Variants in ARHGEF10L observed in about 807,000 individuals in gnomAD.
ARHGEF10L encodes the protein Rho guanine nucleotide exchange factor 10 like, also known as rho guanine nucleotide exchange factor 10-like protein.
A neutral mutation model predicts 141.2 loss-of-function variants in ARHGEF10L; 69 were observed. The observed-to-expected ratio is 0.49, with a 90% CI of 0.40 to 0.60. The LOEUF is 0.60. ARHGEF10L is among the 20% of genes least tolerant of loss of function. ARHGEF10L has a pLI of 0.00. For synonymous variants in ARHGEF10L, 711 were observed against 718.5 expected (o/e 0.99, Z 0.17); for missense variants, 1,482 against 1,734.3 (o/e 0.85, Z 2.58).
At chr1:17,617,809 G>A (rs556426866) in intron 9 of ARHGEF10L, among the ~76,000 whole-genome samples, 2 of 152,244 alleles carry the variant, frequency 1.3e-5, no homozygotes, top group East Asian at 3.9e-4. Flanking sequence ...GAGAGAGAGA[G>A]CCCCATGTAG....
At chr1:17,661,226 C>T (rs2062603831) in intron 25 of ARHGEF10L, among the ~76,000 whole-genome samples, 1 of 152,116 alleles carries the variant, frequency 6.6e-6, no homozygotes, top group East Asian at 1.9e-4. Flanking sequence ...TACAGGCGCA[C>T]ACCACCACAC....
chr1:17,529,889 G>C, the ARHGEF10L span, among the ~76,000 whole-genome samples: 2 of 140,506 alleles, frequency 1.4e-5, no homozygotes, highest in East Asian at 4.4e-4. Context: ...CTGGAGTGCA[G>C]TGTGACGATC....
intron 25 of ARHGEF10L, among the ~76,000 whole-genome samples, chr1:17,662,948 C>T (rs1330677268): frequency 6.6e-6 from 1 of 152,116 alleles, no homozygotes; most frequent in African/African-American, 2.4e-5. Flanking sequence ...GCCTTCTAGT[C>T]CCCCGCCACT....
In ARHGEF10L at chr1:17,654,493, C is replaced by G; in HGVS notation, c.2395-143C>G. 3 of 762,164 alleles carry G rather than the reference C, an allele frequency of 3.9e-6. No individual in the cohort carries two copies. The highest frequency in any genetic ancestry group is 2.9e-5 in the South Asian group (2 of 68,974). The allele number at this position is 762,164 out of a possible 1,614,324, so 47.2% of individuals were successfully genotyped here. ...TAGGAACTGCCTGGAGAAGCAGGCA[C>G]TCGTGAAGCATGTTGCTTTCCTGGC... On this transcript the variant is annotated intron_variant, in intron 22 of 28. Coordinates refer to ENST00000361221, the MANE Select transcript of ARHGEF10L (RefSeq NM_018125.4). The surrounding 1 kb of genome is among the most constrained non-coding windows in gnomAD (Gnocchi z 4.3).
rs906196429 is a variant in ARHGEF10L, at chr1:17,584,880, C to A, written c.38-2580C>A. On this transcript the variant is annotated intron_variant, in intron 2 of 28. Coordinates refer to ENST00000361221, the MANE Select transcript of ARHGEF10L (RefSeq NM_018125.4). ...GTGCACACACACACACACACACACACCCCTACCCAATGTGTATATGTAACT... is the reference window on the plus strand; with the variant it reads ...GTGCACACACACACACACACACACAACCCTACCCAATGTGTATATGTAACT... 3.9e-5 allele frequency among the ~76,000 whole-genome samples: 6 copies of A among 151,906 alleles called. No individual in the cohort carries two copies. In the East Asian group the frequency reaches 5.8e-4, roughly 15 times the overall value.
chr1:17,590,455 C>T (rs539201044), intron 4 of ARHGEF10L, among the ~76,000 whole-genome samples: 2 of 152,218 alleles, frequency 1.3e-5, no homozygotes, highest in African/African-American at 2.4e-5. Context: ...CGGCTCTTCG[C>T]TCCCCCAACA....
chr1:17,598,067 A>T (rs1446772168), intron 4 of ARHGEF10L, among the ~76,000 whole-genome samples: 1 of 151,444 alleles, frequency 6.6e-6, no homozygotes, highest in African/African-American at 2.4e-5. Flanking sequence ...CTGTAAGACA[A>T]TGCCATAGAT....
At chr1:17,670,057 A>AGAG (rs1428332212) in intron 26 of ARHGEF10L, among the ~76,000 whole-genome samples, 1 of 152,240 alleles carries the variant, frequency 6.6e-6, no homozygotes, top group African/African-American at 2.4e-5. Flanking sequence ...CTATGAAGGA[A>AGAG]GAGGGGAAGT....
At chr1:17,523,717 T>C in the ARHGEF10L span, among the ~76,000 whole-genome samples, 1 of 152,202 alleles carries the variant, frequency 6.6e-6, no homozygotes, top group Non-Finnish European at 1.5e-5. Flanking sequence ...TGGGCTACAG[T>C]GGGACTTTTG....
At chr1:17,682,216 A>T (rs2102429015) in intron 26 of ARHGEF10L, among the ~76,000 whole-genome samples, 1 of 152,254 alleles carries the variant, frequency 6.6e-6, no homozygotes, top group Middle Eastern at 3.4e-3. Context: ...CTTTCAGTGG[A>T]CAGGGCCAGG....
intron 8 of ARHGEF10L, 37 bp from the exon 9 acceptor site, chr1:17,616,057 C>T (rs371111254): frequency 2.5e-6 from 4 of 1,583,350 alleles, no homozygotes; most frequent in African/African-American, 1.3e-5. Context: ...CATCCCAGGC[C>T]GTCCCTTCCC....
In ARHGEF10L at chr1:17,625,473, G is replaced by A. The variant is rs1480601593; in HGVS notation, c.1318-483G>A. On this transcript the variant is annotated intron_variant, in intron 13 of 28. Transcript: ENST00000361221. This position sits in a 1 kb window ranked among gnomAD's most constrained non-coding sequence, Gnocchi z 4.5. ...ATTTTGAGCTAGGGTAGATGGAAGTGGAGGCAGGTGGAGAAACTGTGGGAT... is the reference window on the plus strand; with the variant it reads ...ATTTTGAGCTAGGGTAGATGGAAGTAGAGGCAGGTGGAGAAACTGTGGGAT... Among the ~76,000 whole-genome samples, 3 of 152,164 alleles carry A rather than the reference G, an allele frequency of 2.0e-5. No homozygotes were observed. Among genetic ancestry groups the A allele is most frequent in the Non-Finnish European group, 4.4e-5 (3 of 68,020 alleles).
rs2077055736 is a variant in ARHGEF10L, at chr1:17,550,081, G to T, written c.-44+10131G>T. Among the ~76,000 whole-genome samples, 4 of 152,198 alleles carry T rather than the reference G, an allele frequency of 2.6e-5. No homozygotes were observed. In the South Asian group the frequency reaches 8.3e-4, roughly 32 times the overall value. The stretch of plus-strand genomic sequence containing the variant: ...GAGCTGGGAACCAGAGGAAAGGCAA[G>T]GAAAGGTTCCCATTTGGCAGTGGAA... On this transcript the variant is annotated intron_variant, in intron 1 of 28. Transcript: ENST00000361221.
At chr1:17,584,675 GA>G (rs1057130781) in intron 2 of ARHGEF10L, among the ~76,000 whole-genome samples, 23 of 152,338 alleles carry the variant, frequency 1.5e-4, no homozygotes, top group African/African-American at 4.8e-4. Context: ...AGATCTGAAA[GA>G]GGGGAGAGCA....
chr1:17,643,056 T>C (rs2061411384), intron 21 of ARHGEF10L, among the ~76,000 whole-genome samples: 1 of 152,126 alleles, frequency 6.6e-6, no homozygotes, highest in African/African-American at 2.4e-5. Flanking sequence ...GGAAGAAGAG[T>C]CATTTGAAAT....
At chr1:17,624,556 C>A in intron 13 of ARHGEF10L, 53 bp downstream of exon 13, 1 of 1,471,074 alleles carries the variant, frequency 6.8e-7, no homozygotes, top group Non-Finnish European at 9.5e-7. Flanking sequence ...GGAGATTGCT[C>A]AGGAGGAAGG....
chr1:17,559,016 G>A (rs761727477), intron 1 of ARHGEF10L, among the ~76,000 whole-genome samples: 10 of 152,170 alleles, frequency 6.6e-5, no homozygotes, highest in Admixed American at 1.3e-4. Context: ...CACAGGGCCC[G>A]GCCTCAGTTG....
Position 17,648,569 on chromosome 1 carries a change from C to G in ARHGEF10L, c.2288C>G (p.Pro763Arg). 6.2e-7 allele frequency: 1 copy of G among 1,613,782 alleles called. No homozygotes were observed. Among genetic ancestry groups the G allele is most frequent in the Non-Finnish European group, 8.5e-7 (1 of 1,180,008 alleles). Residue 763 changes from proline (P) to arginine (R), a missense_variant, in exon 22 of 29, where the codon CCA becomes CGA. Physicochemically the swap from Pro to Arg is moderately radical, Grantham distance 103. Around this residue, in one of 3 missense-constraint regions of ARHGEF10L, gnomAD observed 858 missense variants for 966.3 expected, o/e 0.89. Transcript: ENST00000361221. ...AKIGLREENQPGWLCPDEDKK... is the reference protein window; with the variant it reads ...AKIGLREENQRGWLCPDEDKK... ...CTTGCTGTAGGGGAGGAGAACCAGCCAGGCTGGCTATGCCCGGATGAGGAC... is the reference window on the plus strand; with the variant it reads ...CTTGCTGTAGGGGAGGAGAACCAGCGAGGCTGGCTATGCCCGGATGAGGAC...
chr1:17,636,284 A>G (rs1465605618), intron 18 of ARHGEF10L, among the ~76,000 whole-genome samples: 1 of 152,220 alleles, frequency 6.6e-6, no homozygotes, highest in African/African-American at 2.4e-5. Context: ...CGAAAGGGGA[A>G]AGAAGTTCTT....
Sources: gnomAD v4.1 joint callset for allele counts (sites outside exome capture counted in the v4.1 genomes callset) on GRCh38, gnomAD v4.1.1 for gene constraint, gnomAD v4.1.1 regional missense constraint, Gnocchi (gnomAD v3.1) non-coding constraint, MANE v1.5 for transcripts, NCBI Gene and HGNC (gene_info 2026-07-23, HGNC 2026-07-21) for gene names.